CPT1A: variants seen among roughly 807,000 people sequenced by gnomAD.
CPT1A encodes the protein carnitine O-palmitoyltransferase 1, liver isoform.
CPT1A carries 64 observed loss-of-function variants against 100.8 expected under a neutral mutation model. The ratio of observed to expected loss-of-function variants is 0.63; its 90% CI spans 0.52 to 0.78. The LOEUF (loss-of-function observed/expected upper bound fraction) is 0.78, where lower values mean the gene tolerates loss of function less well. Ranked by LOEUF, CPT1A falls within the 30% of genes least tolerant of loss-of-function variation. CPT1A has a pLI of 0.00. For synonymous variants in CPT1A, 363 were observed against 396.0 expected (o/e 0.92, Z 0.99); for missense variants, 802 against 1,034.1 (o/e 0.78, Z 3.08).
intron 1 of CPT1A, among the ~76,000 whole-genome samples, chr11:68,831,507 C>A (rs1856878992): frequency 1.3e-5 from 2 of 152,146 alleles, no homozygotes; most frequent in Non-Finnish European, 2.9e-5. Flanking sequence ...CTGAGTGGGG[C>A]AGAAGTCTTT....
chr11:68,759,437 G>T, intron 18 of CPT1A, 132 bp downstream of exon 18: 1 of 708,398 alleles, frequency 1.4e-6, no homozygotes, highest in Non-Finnish European at 2.5e-6. Context: ...CCATTTATGT[G>T]AAAATTCCCG....
At chr11:68,835,708 G>A (rs1856991700) in intron 1 of CPT1A, among the ~76,000 whole-genome samples, 1 of 152,204 alleles carries the variant, frequency 6.6e-6, no homozygotes. Flanking sequence ...GTCTGCATGG[G>A]GTAGGGAGTG....
At chr11:68,823,345 T>G (rs1038431655) in intron 1 of CPT1A, among the ~76,000 whole-genome samples, 14 of 152,200 alleles carry the variant, frequency 9.2e-5, no homozygotes, top group African/African-American at 3.1e-4. Flanking sequence ...AAATACTGTC[T>G]GAAGAAGTGT....
chr11:68,799,488 C>T, intron 5 of CPT1A, 133 bp from the exon 6 acceptor site: 1 of 975,282 alleles, frequency 1.0e-6, no homozygotes, highest in East Asian at 2.6e-5. Flanking sequence ...GTGGCTCATG[C>T]TTGTAATCCC....
chr11:68,758,032 C>T (rs1946725935), intron 18 of CPT1A, among the ~76,000 whole-genome samples: 1 of 152,112 alleles, frequency 6.6e-6, no homozygotes, highest in South Asian at 2.1e-4. Context: ...GCCTGTAATC[C>T]CAGCACTTTG....
intron 2 of CPT1A, among the ~76,000 whole-genome samples, chr11:68,814,862 T>TAA (rs1361191813): frequency 2.0e-5 from 3 of 151,858 alleles, no homozygotes; most frequent in African/African-American, 7.3e-5. Flanking sequence ...AATTTTTCTA[T>TAA]TTTTTGTAGA....
At chr11:68,802,392 A>G (rs1855926382) in intron 5 of CPT1A, among the ~76,000 whole-genome samples, 1 of 150,864 alleles carries the variant, frequency 6.6e-6, no homozygotes, top group Non-Finnish European at 1.5e-5. Context: ...TCAGGGGTTC[A>G]ACACGAGCCT....
At chr11:68,782,987 C>T (rs2924681) in intron 10 of CPT1A, among the ~76,000 whole-genome samples, 195 of 152,302 alleles carry the variant, frequency 1.3e-3, no homozygotes, top group African/African-American at 4.4e-3. Flanking sequence ...AGGCTCCCCA[C>T]GTCTCCTCCG....
intron 14 of CPT1A, among the ~76,000 whole-genome samples, chr11:68,767,515 G>A (rs981031333): frequency 1.3e-5 from 2 of 152,182 alleles, no homozygotes; most frequent in African/African-American, 4.8e-5. Flanking sequence ...CCAGCACCCA[G>A]GGAGGTCGAG....
intron 2 of CPT1A, 75 bp from the exon 3 acceptor site, chr11:68,812,651 CAGCAGGGCTGCTGGG>C: frequency 1.3e-6 from 2 of 1,573,384 alleles, no homozygotes; most frequent in Non-Finnish European, 1.7e-6. Flanking sequence ...TGGCCCCTGG[CAGCAGGGCTGCTGGG>C]ACAGCAGGCA....
rs1857169892 is a variant in CPT1A, at chr11:68,841,902, C to T, written c.-141G>A. ...GGGCGAGGCCGAGCGCACCCGACGC[C>T]GGCAGCAGCGGATTGGCTGAGGCGG... On this transcript the variant is annotated 5_prime_UTR_variant, in exon 1 of 19. Coordinates refer to ENST00000265641, the MANE Select transcript of CPT1A (RefSeq NM_001876.4). This position sits in a 1 kb window ranked among gnomAD's most constrained non-coding sequence, Gnocchi z 6.3. The T allele has an allele frequency of 2.0e-6, 2 of 985,712 alleles. No homozygotes were observed. The highest frequency in any genetic ancestry group is 3.5e-5 in the African/African-American group (2 of 57,110). 61.1% of individuals were successfully genotyped at this position (985,712 alleles called of 1,614,324 possible).
chr11:68,798,554 C>T (rs962108077), intron 6 of CPT1A, among the ~76,000 whole-genome samples: 3 of 152,140 alleles, frequency 2.0e-5, no homozygotes, highest in Non-Finnish European at 4.4e-5. Context: ...GCCAGCTCCC[C>T]GCACACAGGG....
In CPT1A at chr11:68,807,487, G is replaced by T; in HGVS notation, c.433C>A (p.Arg145Ser). ...WMFTEHGKMS[R>S]ATKIWMGMVK... ...ATTACCATCCAGATCTTGGTGGCAC[G>T]ACTCATCTTGCCGTGCTCAGTGAAC... Residue 145 changes from arginine to serine, a missense_variant, in exon 4 of 19, where the codon CGT (arginine) becomes AGT (serine). Coordinates refer to ENST00000265641, the MANE Select transcript of CPT1A (RefSeq NM_001876.4). The T allele has an allele frequency of 6.2e-7, 1 of 1,614,022 alleles. No individual in the cohort carries two copies. The highest frequency in any genetic ancestry group is 1.1e-5 in the South Asian group (1 of 91,024).
In CPT1A at chr11:68,773,259, T is replaced by A. The variant is rs374465271; in HGVS notation, c.1740+6A>T. 1.2e-6 allele frequency: 2 copies of A among 1,613,818 alleles called. No homozygotes were observed. Among genetic ancestry groups the A allele is most frequent in the Non-Finnish European group, 1.7e-6 (2 of 1,180,008 alleles). On this transcript the variant is annotated splice_donor_region_variant and intron_variant, in intron 14 of 18. Transcript: ENST00000265641. Reference sequence around the variant, plus strand: ...CACGACAAAACCCTAGGCGGTCAGTTCTTACCTTGTAGTGCGCCAGCTGGA... The same window carrying A: ...CACGACAAAACCCTAGGCGGTCAGTACTTACCTTGTAGTGCGCCAGCTGGA...
At chr11:68,773,128 G>A (rs1855037789) in intron 14 of CPT1A, 137 bp downstream of exon 14, 4 of 1,492,562 alleles carry the variant, frequency 2.7e-6, no homozygotes, top group African/African-American at 2.8e-5. Flanking sequence ...CCCGGCCCCC[G>A]GAGACCGGGG....
chr11:68,831,342 G>A (rs911755296), intron 1 of CPT1A, among the ~76,000 whole-genome samples: 5 of 152,160 alleles, frequency 3.3e-5, no homozygotes, highest in Non-Finnish European at 5.9e-5. Context: ...AGGTCAGCTT[G>A]ATGCACCGTG....
At position 68,799,321 on chromosome 11, in the gene CPT1A, T is replaced by C; in HGVS notation, c.590A>G (p.Glu197Gly). The C allele has an allele frequency of 6.2e-7, 1 of 1,614,050 alleles. No homozygotes were observed. The highest frequency in any genetic ancestry group is 1.3e-5 in the African/African-American group (1 of 75,022). Residue 197 changes from glutamate to glycine, a missense_variant, in exon 6 of 19, where the codon GAA becomes GGA. Transcript: ENST00000265641. ...AAGTGCTGTCATCCGTTTGAAGTCT[T>C]CTTCCTTCATAAGAGGCCTCACCGA... ...LQSVRPLMKE[E>G]DFKRMTALAQ...
chr11:68,765,344 T>G (rs1854763823), intron 14 of CPT1A, among the ~76,000 whole-genome samples: 1 of 152,206 alleles, frequency 6.6e-6, no homozygotes, highest in South Asian at 2.1e-4. Flanking sequence ...AAAAAACTTC[T>G]TGGCAAATGC....
At position 68,799,308 on chromosome 11, in the gene CPT1A, C is replaced by T. The variant is rs2228504; in HGVS notation, c.603G>A (p.Arg201=). 1.9e-6 allele frequency: 3 copies of T among 1,613,976 alleles called. No homozygotes were observed. Among genetic ancestry groups the T allele is most frequent in the East Asian group, 4.5e-5 (2 of 44,876 alleles). The change falls in exon 6 of 19, where the codon CGG becomes CGA. Residue 201 remains arginine (R), a synonymous_variant. Transcript: ENST00000265641. ...CAAAATCTTGAGCAAGTGCTGTCAT[C>T]CGTTTGAAGTCTTCTTCCTTCATAA... ...RPLMKEEDFK[R]MTALAQDFAV...
Sources: gnomAD v4.1 joint callset for allele counts (sites outside exome capture counted in the v4.1 genomes callset) on GRCh38, gnomAD v4.1.1 for gene constraint, Gnocchi (gnomAD v3.1) non-coding constraint, MANE v1.5 for transcripts, NCBI Gene and HGNC (gene_info 2026-07-23, HGNC 2026-07-21) for gene names.